MKLN1: variants seen among roughly 807,000 people sequenced by gnomAD.
MKLN1 encodes muskelin.
MKLN1 carries 18 observed loss-of-function variants against 99.0 expected under a neutral mutation model. The ratio of observed to expected loss-of-function variants is 0.18; its 90% CI spans 0.13 to 0.27. MKLN1 has a LOEUF of 0.27. Among genes scored for constraint, MKLN1 ranks in the 10% least tolerant of loss-of-function variants. The pLI is 1.00. For synonymous variants in MKLN1, 288 were observed against 293.2 expected (o/e 0.98, Z 0.18); for missense variants, 621 against 875.9 (o/e 0.71, Z 3.67).
intron 1 of MKLN1, among the ~76,000 whole-genome samples, chr7:131,131,908 G>GT (rs1282411425): frequency 2.6e-5 from 4 of 152,184 alleles, no homozygotes; most frequent in African/African-American, 9.7e-5. Context: ...AGTGCAGGTA[G>GT]TATTAGCCCT....
chr7:131,442,133 T>A (rs190177766), intron 10 of MKLN1, among the ~76,000 whole-genome samples: 1 of 152,352 alleles, frequency 6.6e-6, no homozygotes, highest in East Asian at 1.9e-4. Flanking sequence ...TCTTAATTTA[T>A]GGAAGTCTTT....
At chr7:131,483,977 T>C (rs558445903) in intron 17 of MKLN1, among the ~76,000 whole-genome samples, 22 of 152,310 alleles carry the variant, frequency 1.4e-4, no homozygotes, top group African/African-American at 4.1e-4. Context: ...CATACACTCA[T>C]ATAAATATAT....
At chr7:131,135,805 T>C (rs1162699376) in intron 1 of MKLN1, among the ~76,000 whole-genome samples, 2 of 152,058 alleles carry the variant, frequency 1.3e-5, no homozygotes, top group Non-Finnish European at 2.9e-5. Flanking sequence ...TAGGCAGAAA[T>C]GATGAAGTAG....
chr7:131,249,443 C>T (rs570585369), intron 3 of MKLN1, among the ~76,000 whole-genome samples: 31 of 152,334 alleles, frequency 2.0e-4, no homozygotes, highest in Non-Finnish European at 3.1e-4. Flanking sequence ...CTTATAATCA[C>T]TGTGTGGAGA....
intron 3 of MKLN1, among the ~76,000 whole-genome samples, chr7:131,219,361 T>C (rs1797029448): frequency 6.6e-6 from 1 of 152,146 alleles, no homozygotes; most frequent in Non-Finnish European, 1.5e-5. Flanking sequence ...CCATCCTGTG[T>C]CCTACACAAC....
At chr7:131,400,448 A>G (rs1045939440) in intron 6 of MKLN1, among the ~76,000 whole-genome samples, 5 of 151,102 alleles carry the variant, frequency 3.3e-5, no homozygotes, top group African/African-American at 1.2e-4. Context: ...GAAATTGAGT[A>G]TATTTTGGAG....
chr7:131,447,435 C>T lies in MKLN1; in HGVS notation c.1525+1532C>T, dbSNP rs138813257. The stretch of plus-strand genomic sequence containing the variant: ...ACTAGGAGGGTCAGGCGCAGTGGCT[C>T]ATGTCTTTAATCCCAGCACTTTGGG... On this transcript the variant is annotated intron_variant, in intron 12 of 17. Transcript: ENST00000352689. Among the ~76,000 whole-genome samples, 7 of 152,214 alleles carry T rather than the reference C, an allele frequency of 4.6e-5. No individual in the cohort carries two copies. In the East Asian group the frequency reaches 1.4e-3, roughly 29 times the overall value.
chr7:131,354,567 T>C (rs1799819059), intron 1 of MKLN1, among the ~76,000 whole-genome samples: 1 of 152,116 alleles, frequency 6.6e-6, no homozygotes, highest in South Asian at 2.1e-4. Flanking sequence ...TTATGTCATC[T>C]GAAAATAGGG....
chr7:131,118,503 A>G (rs1795311872), intron 1 of MKLN1, among the ~76,000 whole-genome samples: 1 of 152,112 alleles, frequency 6.6e-6, no homozygotes. Flanking sequence ...CAGTGAGCCA[A>G]GATGGCGTCA....
intron 1 of MKLN1, among the ~76,000 whole-genome samples, chr7:131,373,115 T>G (rs1052305198): frequency 6.6e-6 from 1 of 152,014 alleles, no homozygotes; most frequent in Non-Finnish European, 1.5e-5. Context: ...TCGATTAAAT[T>G]TTTCTCCTGA....
intron 3 of MKLN1, chr7:131,242,877 A>G (rs930372247): frequency 7.5e-6 from 5 of 667,926 alleles, no homozygotes; most frequent in South Asian, 5.5e-5. Context: ...CAAAACTGTC[A>G]TCAATAAGGA....
At chr7:131,202,184 G>A (rs1373600524) in intron 2 of MKLN1, among the ~76,000 whole-genome samples, 1 of 65,318 alleles carries the variant, frequency 1.5e-5, no homozygotes, top group Non-Finnish European at 2.9e-5. Context: ...TTTTTGAGAT[G>A]TTGTCTTGCT....
At chr7:131,452,520 C>G (rs888822768) in intron 12 of MKLN1, among the ~76,000 whole-genome samples, 4 of 121,842 alleles carry the variant, frequency 3.3e-5, no homozygotes, top group Admixed American at 8.1e-5. Flanking sequence ...GGTCATAACT[C>G]TTTATGTTTC....
intron 1 of MKLN1, among the ~76,000 whole-genome samples, chr7:131,132,597 T>A (rs1202229421): frequency 6.6e-6 from 1 of 152,102 alleles, no homozygotes; most frequent in African/African-American, 2.4e-5. Flanking sequence ...AGGACAAAGC[T>A]ATGTTTGGAA....
At chr7:131,163,551 C>T (rs1390910638) in intron 2 of MKLN1, among the ~76,000 whole-genome samples, 2 of 152,102 alleles carry the variant, frequency 1.3e-5, no homozygotes, top group Non-Finnish European at 2.9e-5. Flanking sequence ...AATTTCATCC[C>T]ATTTCATTCG....
At chr7:131,209,085 G>A (rs1376397360) in intron 3 of MKLN1, among the ~76,000 whole-genome samples, 3 of 152,174 alleles carry the variant, frequency 2.0e-5, no homozygotes, top group Non-Finnish European at 4.4e-5. Flanking sequence ...AGAACAGAAG[G>A]TTCCGACATC....
At chr7:131,230,518 C>T (rs188032759) in intron 3 of MKLN1, among the ~76,000 whole-genome samples, 48 of 152,308 alleles carry the variant, frequency 3.2e-4, no homozygotes, top group African/African-American at 8.9e-4. Context: ...GATGTTGATC[C>T]GTCATGTTGA....
chr7:131,182,168 A>G (rs1796386540), intron 2 of MKLN1, among the ~76,000 whole-genome samples: 1 of 152,172 alleles, frequency 6.6e-6, no homozygotes, highest in Admixed American at 6.5e-5. Context: ...GTTCATCAAT[A>G]GAGTTAATAG....
intron 16 of MKLN1, among the ~76,000 whole-genome samples, chr7:131,477,864 C>T (rs1188350637): frequency 6.6e-6 from 1 of 152,210 alleles, no homozygotes; most frequent in Non-Finnish European, 1.5e-5. Context: ...TAATTCATTC[C>T]TTTAACTGGT....
Sources: allele counts gnomAD v4.1 joint callset (sites outside exome capture counted in the v4.1 genomes callset), GRCh38; gene constraint gnomAD v4.1.1; transcripts MANE v1.5; gene names NCBI Gene and HGNC (gene_info 2026-07-23, HGNC 2026-07-21).